The following POFUT2 variants were observed in gnomAD, a reference collection of about 807,000 sequenced individuals.
The protein encoded by POFUT2 is GDP-fucose protein O-fucosyltransferase 2.
A neutral mutation model predicts 55.0 loss-of-function variants in POFUT2; 30 were observed. The ratio of observed to expected loss-of-function variants is 0.55; its 90% CI spans 0.41 to 0.74. The LOEUF (loss-of-function observed/expected upper bound fraction) is 0.74. Among genes scored for constraint, POFUT2 ranks in the 30% least tolerant of loss-of-function variants. The pLI is 0.00. For missense variants in POFUT2, 524 were observed against 562.6 expected (o/e 0.93, Z 0.69); for synonymous variants, 267 against 231.1 (o/e 1.16, Z -1.41).
At chr21:45,266,723 C>T in intron 8 of POFUT2, 1 of 999,672 alleles carries the variant, frequency 1.0e-6, no homozygotes, top group Non-Finnish European at 1.2e-6. Flanking sequence ...CCCAGAACAC[C>T]ACAGGAAATA....
chr21:45,280,459 G>A (rs1408385843), intron 4 of POFUT2, among the ~76,000 whole-genome samples: 4 of 152,166 alleles, frequency 2.6e-5, no homozygotes, highest in Non-Finnish European at 4.4e-5. Context: ...AGGGGTCTGC[G>A]GGTGCATGTC....
At position 45,285,639 on chromosome 21, in the gene POFUT2, T is replaced by G. The variant is rs760160378; in HGVS notation, c.382+39A>C. The G allele has an allele frequency of 1.9e-5, 31 of 1,612,288 alleles. No individual in the cohort carries two copies. Among genetic ancestry groups the G allele is most frequent in the Non-Finnish European group, 2.6e-5 (31 of 1,179,862 alleles). ...TTAGAAATGACTGCCTGGCCCCAGT[T>G]AAGCAACCACGGCCTCCCAGCGTGC... On this transcript the variant is annotated intron_variant, in intron 2 of 8. Transcript: ENST00000349485. This position sits in a 1 kb window ranked among gnomAD's most constrained non-coding sequence, Gnocchi z 4.9.
At position 45,267,575 on chromosome 21, in the gene POFUT2, G is replaced by T. The variant is rs2093168161; in HGVS notation, c.1136+15C>A. 1 of 1,614,160 alleles carries T rather than the reference G, an allele frequency of 6.2e-7. No homozygotes were observed. On this transcript the variant is annotated intron_variant, in intron 8 of 8. Transcript: ENST00000349485. The surrounding 1 kb of genome is among the most constrained non-coding windows in gnomAD (Gnocchi z 4.4). ...ACCCGACCCGCTCTCGGCCGACAGT[G>T]ACGTGGGCAGGCACCTGGCGTGTGC...
In POFUT2 at chr21:45,281,863, T is replaced by G. The variant is rs373651087; in HGVS notation, c.638+486A>C. ...TTGTCTGCAACCCCAGCCTCCTGGG[T>G]GGACCCTCGAGGCCCAGCTCACCAG... is the stretch of plus-strand genomic sequence containing the variant. On this transcript the variant is annotated intron_variant, in intron 4 of 8. Coordinates refer to ENST00000349485, the MANE Select transcript of POFUT2 (RefSeq NM_133635.6). This position sits in a 1 kb window ranked among gnomAD's most constrained non-coding sequence, Gnocchi z 5.0. 1.7e-3 allele frequency among the ~76,000 whole-genome samples: 251 copies of G among 152,040 alleles called. No homozygotes were observed. The highest frequency in any genetic ancestry group is 5.7e-3 in the African/African-American group (238 of 41,484).
chr21:45,276,713 C>G (rs1039017097), intron 6 of POFUT2, among the ~76,000 whole-genome samples: 10 of 152,180 alleles, frequency 6.6e-5, no homozygotes, highest in African/African-American at 2.4e-4. Flanking sequence ...CCTGCTTCCG[C>G]GCTCCTGGCC....
chr21:45,265,727 A>G lies in POFUT2; in HGVS notation c.1137-92T>C, dbSNP rs1024861510. The G allele has an allele frequency of 5.9e-6, 9 of 1,517,626 alleles. No individual in the cohort carries two copies. Among genetic ancestry groups the G allele is most frequent in the Middle Eastern group, 3.8e-4 (2 of 5,254 alleles). The allele number at this position is 1,517,626 out of a possible 1,614,324, so 94.0% of individuals were successfully genotyped here. On this transcript the variant is annotated intron_variant, in intron 8 of 8. Coordinates refer to ENST00000349485, the MANE Select transcript of POFUT2 (RefSeq NM_133635.6). The surrounding 1 kb of genome is among the most constrained non-coding windows in gnomAD (Gnocchi z 4.6). ...AGAACTGAGAGGAGCAGCTGAGTGA[A>G]ATGAGTTCCACAGTTACATGGAACC... is the stretch of plus-strand genomic sequence containing the variant.
In POFUT2 at chr21:45,265,784, G is replaced by T. The variant is rs1007604799; in HGVS notation, c.1137-149C>A. On this transcript the variant is annotated intron_variant, in intron 8 of 8. Coordinates refer to ENST00000349485, the MANE Select transcript of POFUT2 (RefSeq NM_133635.6). The surrounding 1 kb of genome is among the most constrained non-coding windows in gnomAD (Gnocchi z 4.6). Reference sequence around the variant, plus strand: ...GCCGTCCCCCGAGCACCCACCAGCCGGCCGCCCCCTTGCTGGCACCCCTCG... The same window carrying T: ...GCCGTCCCCCGAGCACCCACCAGCCTGCCGCCCCCTTGCTGGCACCCCTCG... 1 of 1,430,924 alleles carries T rather than the reference G, an allele frequency of 7.0e-7. No homozygotes were observed. Among genetic ancestry groups the T allele is most frequent in the African/African-American group, 1.4e-5 (1 of 69,446 alleles). The allele number at this position is 1,430,924 out of a possible 1,614,324, so 88.6% of individuals were successfully genotyped here. A position where few individuals can be genotyped will look rare whatever the true frequency, so the allele number is the denominator to read the frequency against.
chr21:45,272,308 G>A (rs558719555), intron 6 of POFUT2, among the ~76,000 whole-genome samples: 3 of 152,216 alleles, frequency 2.0e-5, no homozygotes, highest in East Asian at 3.9e-4. Context: ...TAAAAAAGAT[G>A]GAGGAACATT....
In POFUT2 at chr21:45,269,838, C is replaced by T. The variant is rs778601735; in HGVS notation, c.1012+1G>A. 1 of 1,600,032 alleles carries T rather than the reference C, an allele frequency of 6.2e-7. No homozygotes were observed. Among genetic ancestry groups the T allele is most frequent in the South Asian group, 1.1e-5 (1 of 87,786 alleles). On this transcript the variant is annotated splice_donor_variant, in intron 7 of 8. Transcript: ENST00000349485. LOFTEE classifies it high-confidence loss of function. Reference sequence around the variant, plus strand: ...GAAACGAAAGCATTGAAGCTCCATACCCTTTCTGACGGCATCTGTGGCCAC... The same window carrying T: ...GAAACGAAAGCATTGAAGCTCCATATCCTTTCTGACGGCATCTGTGGCCAC...
rs2093138476 is a variant in POFUT2 at position 45,264,678 on chromosome 21, C to T, written c.*804G>A. The T allele has an allele frequency of 5.1e-5, 1 of 19,736 alleles. No homozygotes were observed. The highest frequency in any genetic ancestry group is 1.0e-4 in the Non-Finnish European group (1 of 10,010). The allele number at this position is 19,736 out of a possible 1,614,324, so 1.2% of individuals were successfully genotyped here. ...GCCAGCCGGGCGAGGGCGGGGCAGT[C>T]GGGGTGAGGGTGGGGCGGGGCAGTC... On this transcript the variant is annotated 3_prime_UTR_variant, in exon 9 of 9. Coordinates refer to ENST00000349485, the MANE Select transcript of POFUT2 (RefSeq NM_133635.6).
At chr21:45,266,675 A>G in intron 8 of POFUT2, 1 of 1,002,390 alleles carries the variant, frequency 1.0e-6, no homozygotes, top group Non-Finnish European at 1.2e-6. Flanking sequence ...CCCAGCAGAC[A>G]GCATCACCCG....
chr21:45,283,435 G>A lies in POFUT2; in HGVS notation c.475C>T (p.Arg159Trp), dbSNP rs775138574. 28 of 1,613,306 alleles carry A rather than the reference G, an allele frequency of 1.7e-5. No homozygotes were observed. The South Asian group carries it at 1.8e-4, about 10-fold the overall frequency. Residue 159 changes from arginine (R) to tryptophan (W), a missense_variant, in exon 3 of 9, where the codon CGG (arginine) becomes TGG (tryptophan). By Grantham distance (101) the Arg-to-Trp change is moderately radical. This residue lies in a region of POFUT2 where 274 missense variants were observed against 244.4 expected (regional missense o/e 1.12). Transcript: ENST00000349485. ...EGTWEEKVDERPCIDQLLYSQ... is the reference protein window; with the variant it reads ...EGTWEEKVDEWPCIDQLLYSQ... ...TACAGGAGCTGATCAATACACGGCC[G>A]CTCGTCCACCTTCTCTTCCCAGGTC...
In POFUT2 at chr21:45,267,190, C is replaced by G. The variant is rs1262917600; in HGVS notation, c.1136+400G>C. 7.3e-7 allele frequency: 1 copy of G among 1,360,558 alleles called. No homozygotes were observed. The highest frequency in any genetic ancestry group is 9.5e-7 in the Non-Finnish European group (1 of 1,054,210). 84.3% of individuals were successfully genotyped at this position (1,360,558 alleles called of 1,614,324 possible). On this transcript the variant is annotated intron_variant, in intron 8 of 8. Coordinates refer to ENST00000349485, the MANE Select transcript of POFUT2 (RefSeq NM_133635.6). The surrounding 1 kb of genome is among the most constrained non-coding windows in gnomAD (Gnocchi z 4.4). ...ATCACACGAGGGCCCACGCTCCCGG[C>G]CTCGGGGACGCTCACGGATGCTCAA... is the stretch of plus-strand genomic sequence containing the variant.
In POFUT2 at chr21:45,282,486, T is replaced by G; in HGVS notation, c.528-27A>C. On this transcript the variant is annotated intron_variant, in intron 3 of 8. Coordinates refer to ENST00000349485, the MANE Select transcript of POFUT2 (RefSeq NM_133635.6). This position sits in a 1 kb window ranked among gnomAD's most constrained non-coding sequence, Gnocchi z 4.6. The stretch of plus-strand genomic sequence containing the variant: ...TGGAAAACAAAACCCACAGCAGCTC[T>G]ATCAGTTTATTTTGCTTTCACAAGG... The G allele has an allele frequency of 6.1e-5, 81 of 1,319,166 alleles. No homozygotes were observed. Among genetic ancestry groups the G allele is most frequent in the Non-Finnish European group, 8.1e-5 (74 of 912,960 alleles). 81.7% of individuals were successfully genotyped at this position (1,319,166 alleles called of 1,614,324 possible). A position where few individuals can be genotyped will look rare whatever the true frequency, so the allele number is the denominator to read the frequency against.
At position 45,281,892 on chromosome 21, in the gene POFUT2, G is replaced by A. The variant is rs190691564; in HGVS notation, c.638+457C>T. Among the ~76,000 whole-genome samples the A allele has an allele frequency of 7.6e-4, 116 of 152,184 alleles. No homozygotes were observed. The highest frequency in any genetic ancestry group is 2.7e-3 in the African/African-American group (114 of 41,530). On this transcript the variant is annotated intron_variant, in intron 4 of 8. Coordinates refer to ENST00000349485, the MANE Select transcript of POFUT2 (RefSeq NM_133635.6). This position sits in a 1 kb window ranked among gnomAD's most constrained non-coding sequence, Gnocchi z 5.0. ...CCCTCGAGGCCCAGCTCACCAGGCC[G>A]GCGACCACTTGAGGCAGACGCATGG...
At position 45,282,261 on chromosome 21, in the gene POFUT2, G is replaced by A. The variant is rs1602219913; in HGVS notation, c.638+88C>T. The A allele has an allele frequency of 1.1e-6, 1 of 870,210 alleles. No homozygotes were observed. The highest frequency in any genetic ancestry group is 1.4e-5 in the South Asian group (1 of 72,466). 53.9% of individuals were successfully genotyped at this position (870,210 alleles called of 1,614,324 possible). On this transcript the variant is annotated intron_variant, in intron 4 of 8. Transcript: ENST00000349485. This position sits in a 1 kb window ranked among gnomAD's most constrained non-coding sequence, Gnocchi z 4.6. ...GTGAGGTGGGTGGGCCAGGGATGCG[G>A]GAGTATGGGCGGAGAGCCCCCAGCC...
chr21:45,285,646 C>T lies in POFUT2; in HGVS notation c.382+32G>A. 5 of 1,612,846 alleles carry T rather than the reference C, an allele frequency of 3.1e-6. No homozygotes were observed. Among genetic ancestry groups the T allele is most frequent in the Non-Finnish European group, 4.2e-6 (5 of 1,179,938 alleles). On this transcript the variant is annotated intron_variant, in intron 2 of 8. Coordinates refer to ENST00000349485, the MANE Select transcript of POFUT2 (RefSeq NM_133635.6). This position sits in a 1 kb window ranked among gnomAD's most constrained non-coding sequence, Gnocchi z 4.9. Reference sequence around the variant, plus strand: ...TGACTGCCTGGCCCCAGTTAAGCAACCACGGCCTCCCAGCGTGCCGCTCGG... The same window carrying T: ...TGACTGCCTGGCCCCAGTTAAGCAATCACGGCCTCCCAGCGTGCCGCTCGG...
rs2030870430 is a variant in POFUT2, at chr21:45,282,922, T to G, written c.527+461A>C. 2.1e-6 allele frequency: 1 copy of G among 473,508 alleles called. No homozygotes were observed. The highest frequency in any genetic ancestry group is 4.4e-6 in the Non-Finnish European group (1 of 229,032). 29.3% of individuals were successfully genotyped at this position (473,508 alleles called of 1,614,324 possible). A position where few individuals can be genotyped will look rare whatever the true frequency, so the allele number is the denominator to read the frequency against. ...TTTAATGGCAATCGACACTTGGGAC[T>G]GACAAGACCTCCATCCCTGTGGCAA... On this transcript the variant is annotated intron_variant, in intron 3 of 8. Transcript: ENST00000349485. The surrounding 1 kb of genome is among the most constrained non-coding windows in gnomAD (Gnocchi z 4.6).
rs545487473 is a variant in POFUT2 at position 45,278,261 on chromosome 21, C to T, written c.639-92G>A. The T allele has an allele frequency of 3.2e-4, 360 of 1,133,738 alleles. 1 individual carries two copies. Among genetic ancestry groups the T allele is most frequent in the African/African-American group, 2.2e-3 (148 of 65,800 alleles). The allele number at this position is 1,133,738 out of a possible 1,614,324, so 70.2% of individuals were successfully genotyped here. ...AGCACAAACTGGGAGAACCCCGGGC[C>T]GAGGAAGCAGAGACCAAGTCTCCGA... is the stretch of plus-strand genomic sequence containing the variant. On this transcript the variant is annotated intron_variant, in intron 4 of 8. Transcript: ENST00000349485.
Sources: allele counts gnomAD v4.1 joint callset (sites outside exome capture counted in the v4.1 genomes callset), GRCh38; gene constraint gnomAD v4.1.1; regional missense constraint gnomAD v4.1.1; non-coding constraint Gnocchi (gnomAD v3.1); transcripts MANE v1.5; gene names NCBI Gene and HGNC (gene_info 2026-07-23, HGNC 2026-07-21).